The following SPOCK1 variants were observed in gnomAD, a reference collection of about 807,000 sequenced individuals.
The protein encoded by SPOCK1 is SPARC (osteonectin), cwcv and kazal like domains proteoglycan 1, also known as testican-1.
A neutral mutation model predicts 55.3 loss-of-function variants in SPOCK1; 23 were observed. The observed-to-expected ratio is 0.42, with a 90% CI of 0.30 to 0.59. The LOEUF is 0.59. Ranked by LOEUF, SPOCK1 falls within the 20% of genes least tolerant of loss-of-function variation. SPOCK1 has a pLI of 0.22. For missense variants in SPOCK1, 499 were observed against 552.5 expected (o/e 0.90, Z 0.97); for synonymous variants, 226 against 221.0 (o/e 1.02, Z -0.20).
chr5:137,156,275 C>CTGCTGTCCTGGCTTCCAAGGGTCATGAA (rs1754415039), intron 3 of SPOCK1, among the ~76,000 whole-genome samples: 1 of 152,168 alleles, frequency 6.6e-6, no homozygotes, highest in African/African-American at 2.4e-5. Flanking sequence ...AAGCTGGCCT[C>CTGCTGTCCTGGCTTCCAAGGGTCATGAA]TGCTGTCCTG....
At chr5:137,121,271 C>T (rs1027403377) in intron 4 of SPOCK1, among the ~76,000 whole-genome samples, 2 of 152,044 alleles carry the variant, frequency 1.3e-5, no homozygotes, top group African/African-American at 4.8e-5. Context: ...AAAGATGTTA[C>T]CTTAACTGTT....
intron 3 of SPOCK1, among the ~76,000 whole-genome samples, chr5:137,227,534 G>A (rs1755968499): frequency 6.6e-6 from 1 of 152,166 alleles, no homozygotes; most frequent in African/African-American, 2.4e-5. Context: ...TGAGCATTTG[G>A]CATCTCTTGC....
At chr5:137,061,311 C>A (rs770417241) in intron 6 of SPOCK1, among the ~76,000 whole-genome samples, 2 of 152,206 alleles carry the variant, frequency 1.3e-5, no homozygotes, top group Non-Finnish European at 2.9e-5. Context: ...TCACCGCCTC[C>A]TGTTCCCTTT....
intron 2 of SPOCK1, among the ~76,000 whole-genome samples, chr5:137,329,107 A>G (rs1758127653): frequency 6.6e-6 from 1 of 152,160 alleles, no homozygotes; most frequent in Non-Finnish European, 1.5e-5. Context: ...GCCCTCTCCA[A>G]TGTGGGTGGG....
chr5:137,038,896 T>C (rs1365721172), intron 6 of SPOCK1, among the ~76,000 whole-genome samples: 1 of 152,220 alleles, frequency 6.6e-6, no homozygotes, highest in Non-Finnish European at 1.5e-5. Context: ...CATCAGTATG[T>C]CCTACTATAT....
intron 2 of SPOCK1, among the ~76,000 whole-genome samples, chr5:137,307,347 A>T (rs2127140393): frequency 6.6e-6 from 1 of 152,338 alleles, no homozygotes; most frequent in Middle Eastern, 3.4e-3. Flanking sequence ...GTTTTGATTT[A>T]CCTACTTTTC....
chr5:137,450,805 T>C (rs1753239422), intron 2 of SPOCK1, among the ~76,000 whole-genome samples: 2 of 152,136 alleles, frequency 1.3e-5, no homozygotes, highest in African/African-American at 4.8e-5. Flanking sequence ...TGAAAGCTGC[T>C]AGATGCTGCC....
intron 5 of SPOCK1, among the ~76,000 whole-genome samples, chr5:137,106,171 C>G (rs1234202205): frequency 1.3e-5 from 2 of 151,942 alleles, no homozygotes; most frequent in Non-Finnish European, 2.9e-5. Flanking sequence ...ACCTCCTCCT[C>G]TGCTCCTTTC....
chr5:137,104,171 T>C (rs570637726), intron 5 of SPOCK1, among the ~76,000 whole-genome samples: 19 of 152,346 alleles, frequency 1.2e-4, no homozygotes, highest in Middle Eastern at 3.4e-3. Context: ...CCATAGGGGC[T>C]GATCCCCACT....
At chr5:137,134,637 G>A (rs1561622204) in intron 4 of SPOCK1, among the ~76,000 whole-genome samples, 1 of 152,216 alleles carries the variant, frequency 6.6e-6, no homozygotes, top group African/African-American at 2.4e-5. Flanking sequence ...CTTGTGAAGT[G>A]CCAGAAAGCC....
chr5:137,022,441 G>A (rs1180629214), intron 6 of SPOCK1, among the ~76,000 whole-genome samples: 1 of 152,110 alleles, frequency 6.6e-6, no homozygotes, highest in East Asian at 1.9e-4. Context: ...AGATACTGAC[G>A]ATCAGTAATT....
chr5:136,988,763 T>C (rs998414242), intron 7 of SPOCK1, 120 bp from the exon 8 acceptor site: 25 of 814,960 alleles, frequency 3.1e-5, no homozygotes, highest in Non-Finnish European at 4.7e-5. Flanking sequence ...CCTGAGGCTG[T>C]TTCCTTCCCA....
chr5:137,345,085 C>G (rs893627084), intron 2 of SPOCK1, among the ~76,000 whole-genome samples: 2 of 152,246 alleles, frequency 1.3e-5, no homozygotes, highest in South Asian at 2.1e-4. Flanking sequence ...CAATATAGAT[C>G]AATATTTAAA....
In SPOCK1 at chr5:137,043,761, C is replaced by G. The variant is rs1752047157; in HGVS notation, c.589+23954G>C. Among the ~76,000 whole-genome samples, 5 of 151,980 alleles carry G rather than the reference C, an allele frequency of 3.3e-5. No individual in the cohort carries two copies. In the South Asian group the frequency reaches 1.0e-3, roughly 32 times the overall value. On this transcript the variant is annotated intron_variant, in intron 6 of 10. Coordinates refer to ENST00000394945, the MANE Select transcript of SPOCK1 (RefSeq NM_004598.4). ...CAGTACTCAGAACTTTCAAGGTCAT[C>G]CAAAATGAGGAAAATGTTAGCAAAG...
chr5:137,005,965 G>A (rs1177797906), intron 6 of SPOCK1, among the ~76,000 whole-genome samples: 1 of 152,126 alleles, frequency 6.6e-6, no homozygotes, highest in Non-Finnish European at 1.5e-5. Context: ...TAAAGTTACT[G>A]GGTTTTAAAA....
At chr5:137,089,353 G>C (rs1249147604) in intron 5 of SPOCK1, among the ~76,000 whole-genome samples, 3 of 152,178 alleles carry the variant, frequency 2.0e-5, no homozygotes, top group African/African-American at 7.2e-5. Context: ...TCAAAATTGT[G>C]GTGACAGCTC....
At chr5:137,455,969 A>G (rs1486236841) in intron 2 of SPOCK1, among the ~76,000 whole-genome samples, 1 of 152,202 alleles carries the variant, frequency 6.6e-6, no homozygotes, top group East Asian at 1.9e-4. Flanking sequence ...CCAAGGGTAC[A>G]GTGAGCTATG....
At chr5:137,019,054 A>C (rs1751509857) in intron 6 of SPOCK1, among the ~76,000 whole-genome samples, 2 of 152,156 alleles carry the variant, frequency 1.3e-5, no homozygotes. Flanking sequence ...GGAAATAATA[A>C]AATACTATAG....
intron 2 of SPOCK1, among the ~76,000 whole-genome samples, chr5:137,408,945 T>A (rs1752156004): frequency 6.6e-6 from 1 of 152,150 alleles, no homozygotes; most frequent in Non-Finnish European, 1.5e-5. Flanking sequence ...AAGACAGCCC[T>A]CAGCACTGTG....
Sources: allele counts gnomAD v4.1 joint callset (sites outside exome capture counted in the v4.1 genomes callset), GRCh38; gene constraint gnomAD v4.1.1; transcripts MANE v1.5; gene names NCBI Gene and HGNC (gene_info 2026-07-23, HGNC 2026-07-21).